Variants in PARD3 observed in about 807,000 individuals in gnomAD.
PARD3 encodes par-3 family cell polarity regulator, also known as partitioning defective 3 homolog.
In PARD3, 75 loss-of-function variants were observed where a neutral mutation model predicts 155.4. The observed-to-expected ratio is 0.48, with a 90% CI of 0.40 to 0.58. PARD3 has a LOEUF of 0.58. Ranked by LOEUF, PARD3 falls within the 20% of genes least tolerant of loss-of-function variation. The pLI, the probability that PARD3 is intolerant of heterozygous loss-of-function variation, is 0.00. For synonymous variants in PARD3, 576 were observed against 610.5 expected, an observed-to-expected ratio of 0.94 and a Z score of 0.83; for missense variants, 1,642 against 1,721.7, an observed-to-expected ratio of 0.95 and a Z score of 0.82.
At chr10:34,770,383 TCGGCTAGCC>T (rs536592983) in intron 1 of PARD3, among the ~76,000 whole-genome samples, 3,604 of 152,308 alleles carry the variant, frequency 0.024, 144 homozygotes, top group African/African-American at 0.083. Context: ...CCTCGAGCCC[TCGGCTAGCC>T]TGTAAACGCC....
At chr10:34,381,695 G>A (rs1841842681) in intron 9 of PARD3, among the ~76,000 whole-genome samples, 1 of 151,996 alleles carries the variant, frequency 6.6e-6, no homozygotes, top group South Asian at 2.1e-4. Context: ...ACTTTGGGAA[G>A]CCGAGGTAGA....
At chr10:34,361,297 C>T (rs541638634) in intron 12 of PARD3, among the ~76,000 whole-genome samples, 1 of 152,334 alleles carries the variant, frequency 6.6e-6, no homozygotes, top group South Asian at 2.1e-4. Context: ...CCTATTTCTC[C>T]TCCTCTTTTC....
chr10:34,147,008 T>G (rs1490494566), intron 22 of PARD3, among the ~76,000 whole-genome samples: 1 of 152,192 alleles, frequency 6.6e-6, no homozygotes, highest in Non-Finnish European at 1.5e-5. Context: ...AAGCCTTTTT[T>G]GTTTCAATCC....
At chr10:34,201,423 C>T (rs1036558419) in intron 22 of PARD3, among the ~76,000 whole-genome samples, 4 of 152,122 alleles carry the variant, frequency 2.6e-5, no homozygotes, top group East Asian at 1.9e-4. Flanking sequence ...CTTATCTCAG[C>T]GTAAAAAGTT....
intron 2 of PARD3, among the ~76,000 whole-genome samples, chr10:34,579,568 G>GTGTGTGTGTGTGTGTGTGTA (rs1564374315): frequency 2.2e-5 from 3 of 136,646 alleles, no homozygotes; most frequent in African/African-American, 9.3e-5. Flanking sequence ...GTGTGTGTGT[G>GTGTGTGTGTGTGTGTGTGTA]TGTGTGTGTG....
intron 2 of PARD3, among the ~76,000 whole-genome samples, chr10:34,525,736 A>AC (rs1564809711): frequency 6.6e-6 from 1 of 150,460 alleles, no homozygotes; most frequent in Non-Finnish European, 1.5e-5. Context: ...AAAAAAAAAG[A>AC]TTTTTTTTTT....
intron 22 of PARD3, among the ~76,000 whole-genome samples, chr10:34,182,742 TAAA>T (rs11406207): frequency 1.5e-5 from 2 of 133,378 alleles, no homozygotes; most frequent in Admixed American, 7.6e-5. Context: ...CTACATTTCT[TAAA>T]AAAAAAAAAA....
intron 2 of PARD3, among the ~76,000 whole-genome samples, chr10:34,646,893 T>C (rs2092854707): frequency 1.3e-5 from 2 of 152,196 alleles, no homozygotes; most frequent in South Asian, 4.1e-4. Context: ...TCTCCCTATA[T>C]TGCCCAGGCT....
At chr10:34,195,006 C>T (rs1330047128) in intron 22 of PARD3, among the ~76,000 whole-genome samples, 1 of 152,148 alleles carries the variant, frequency 6.6e-6, no homozygotes, top group Non-Finnish European at 1.5e-5. Context: ...TTGTACCTTC[C>T]TATCTCAAGA....
At chr10:34,354,810 G>A (rs1589281399) in intron 14 of PARD3, among the ~76,000 whole-genome samples, 1 of 152,164 alleles carries the variant, frequency 6.6e-6, no homozygotes, top group Admixed American at 6.5e-5. Context: ...CCCCATGATG[G>A]AGACTGGTTG....
chr10:34,453,251 G>C (rs2077157210), intron 4 of PARD3, among the ~76,000 whole-genome samples: 1 of 152,156 alleles, frequency 6.6e-6, no homozygotes. Flanking sequence ...TCAAAGCCCA[G>C]TTCAAACGCT....
At chr10:34,660,824 T>C (rs918783313) in intron 2 of PARD3, among the ~76,000 whole-genome samples, 1 of 152,188 alleles carries the variant, frequency 6.6e-6, no homozygotes, top group Non-Finnish European at 1.5e-5. Context: ...ACAGAAGCTA[T>C]GCTTGGCTGT....
intron 20 of PARD3, among the ~76,000 whole-genome samples, chr10:34,303,661 T>C (rs992054354): frequency 1.3e-5 from 2 of 151,934 alleles, no homozygotes; most frequent in African/African-American, 4.8e-5. Flanking sequence ...TAGTGGAAAT[T>C]TACAAAGGTC....
At chr10:34,371,504 A>C (rs977831234) in intron 12 of PARD3, among the ~76,000 whole-genome samples, 1,231 of 82,924 alleles carry the variant, frequency 0.015, 162 homozygotes, top group African/African-American at 0.08. Context: ...AAAAAAAAAA[A>C]AAAAAAAAAA....
intron 5 of PARD3, among the ~76,000 whole-genome samples, chr10:34,419,285 A>G (rs1419368050): frequency 6.6e-6 from 1 of 152,128 alleles, no homozygotes; most frequent in African/African-American, 2.4e-5. Flanking sequence ...TGGTAAGCTG[A>G]GGCAGGCGAT....
rs991492851 is a variant in PARD3 at position 34,224,431 on chromosome 10, G to C, written c.3419+45226C>G. 2.0e-5 allele frequency among the ~76,000 whole-genome samples: 3 copies of C among 152,238 alleles called. No homozygotes were observed. The East Asian group carries it at 5.8e-4, about 29-fold the overall frequency. On this transcript the variant is annotated intron_variant, in intron 22 of 24. Transcript: ENST00000374788. ...CCAGGTGTCACTCGAGTGTGCATGTGTCTTCCACAGGCACAGGGCACAGAG... is the reference window on the plus strand; with the variant it reads ...CCAGGTGTCACTCGAGTGTGCATGTCTCTTCCACAGGCACAGGGCACAGAG...
intron 2 of PARD3, among the ~76,000 whole-genome samples, chr10:34,666,434 C>T (rs1481476033): frequency 6.6e-6 from 1 of 152,026 alleles, no homozygotes; most frequent in African/African-American, 2.4e-5. Flanking sequence ...CTTGACAAAG[C>T]TTAGAAGTTA....
At chr10:34,692,232 CAA>C (rs112974802) in intron 2 of PARD3, among the ~76,000 whole-genome samples, 8,206 of 132,566 alleles carry the variant, frequency 0.062, 635 homozygotes, top group African/African-American at 0.2. Context: ...GACTTCATTT[CAA>C]AAAAAAAAAA....
intron 2 of PARD3, among the ~76,000 whole-genome samples, chr10:34,671,222 G>C (rs533438417): frequency 6.6e-6 from 1 of 152,344 alleles, no homozygotes; most frequent in African/African-American, 2.4e-5. Flanking sequence ...TCCAATGGAA[G>C]TGGAGAAGCA....
Sources: allele counts gnomAD v4.1 joint callset (sites outside exome capture counted in the v4.1 genomes callset), GRCh38; gene constraint gnomAD v4.1.1; transcripts MANE v1.5; gene names NCBI Gene and HGNC (gene_info 2026-07-23, HGNC 2026-07-21).